Variants in BMPER observed in about 807,000 individuals in gnomAD.
BMPER encodes the protein BMP-binding endothelial regulator protein.
Under a neutral mutation model 87.3 loss-of-function variants are expected in BMPER, and 45 were observed. That is an observed-to-expected ratio of 0.52 (90% CI 0.41 to 0.66). The LOEUF is 0.66. BMPER is among the 30% of genes least tolerant of loss of function. The pLI, the probability that BMPER is intolerant of heterozygous loss-of-function variation, is 0.00. For synonymous variants in BMPER, 326 were observed against 316.2 expected (o/e 1.03, Z -0.33); for missense variants, 784 against 867.5 (o/e 0.90, Z 1.21).
At chr7:34,043,720 A>C (rs1363462068) in intron 6 of BMPER, among the ~76,000 whole-genome samples, 1 of 152,116 alleles carries the variant, frequency 6.6e-6, no homozygotes, top group African/African-American at 2.4e-5. Flanking sequence ...GGCCTTAAAC[A>C]AATGTTTAAT....
At chr7:34,027,779 A>G (rs1787396111) in intron 6 of BMPER, among the ~76,000 whole-genome samples, 1 of 152,090 alleles carries the variant, frequency 6.6e-6, no homozygotes, top group African/African-American at 2.4e-5. Flanking sequence ...GTGAAAATTC[A>G]AATTTTGAAA....
In BMPER at chr7:34,153,093, C is replaced by T. The variant is rs1198563046; in HGVS notation, c.1878C>T (p.Ala626=). The part of the protein sequence containing the change: ...VHWEPQQNCA[A]TQCKHGAVYD... ...CCTTTGTCTCCTTCTCTTTTTCAGC[C>T]ACCCAGTGTAAGCATGGTGCTGTGT... The change falls in exon 15 of 15, where the codon GCC becomes GCT. Residue 626 remains alanine, a splice_region_variant and synonymous_variant. Coordinates refer to ENST00000649409, the MANE Select transcript of BMPER (RefSeq NM_001365308.1). 1 of 1,613,884 alleles carries T rather than the reference C, an allele frequency of 6.2e-7. No individual in the cohort carries two copies.
At position 34,113,266 on chromosome 7, in the gene BMPER, T is replaced by C. The variant is rs565404424; in HGVS notation, c.1745+27174T>C. The stretch of plus-strand genomic sequence containing the variant: ...ATTAGCCTTTTATAGTATGCTGCAA[T>C]ATTTTTCCCTTTGCCATTTGCTTTG... On this transcript the variant is annotated intron_variant, in intron 13 of 14. Coordinates refer to ENST00000649409, the MANE Select transcript of BMPER (RefSeq NM_001365308.1). Among the ~76,000 whole-genome samples, 68 of 152,124 alleles carry C rather than the reference T, an allele frequency of 4.5e-4. 1 individual carries two copies. The highest frequency in any genetic ancestry group is 1.6e-3 in the African/African-American group (65 of 41,570).
Position 33,963,520 on chromosome 7 carries a change from G to A in BMPER, c.320-2959G>A, listed in dbSNP as rs532687603. 7.9e-5 allele frequency among the ~76,000 whole-genome samples: 12 copies of A among 152,256 alleles called. No homozygotes were observed. The East Asian group carries it at 9.6e-4, about 12-fold the overall frequency. ...TAAAAAACAAAAACAAAGGCTGGGC[G>A]CGGTGGCTCATGCCTGTAATCCCAG... is the stretch of plus-strand genomic sequence containing the variant. On this transcript the variant is annotated intron_variant, in intron 3 of 14. Coordinates refer to ENST00000649409, the MANE Select transcript of BMPER (RefSeq NM_001365308.1).
At chr7:34,096,030 T>G (rs1789521602) in intron 13 of BMPER, among the ~76,000 whole-genome samples, 1 of 152,100 alleles carries the variant, frequency 6.6e-6, no homozygotes, top group East Asian at 1.9e-4. Flanking sequence ...ATGACCAAGG[T>G]GTCTCTTTCT....
intron 6 of BMPER, among the ~76,000 whole-genome samples, chr7:33,997,531 T>G (rs1786447242): frequency 6.6e-6 from 1 of 152,204 alleles, no homozygotes; most frequent in African/African-American, 2.4e-5. Flanking sequence ...AGGTGCTTGC[T>G]TCTCCTTCAT....
In BMPER at chr7:33,989,463, G is replaced by T. The variant is rs201920821; in HGVS notation, c.576+14679G>T. ...CCTTCGCCCACTTTTTGATAGGGTTGTTTGTTTTTTCTTGTAAATTTGTTT... is the reference window on the plus strand; with the variant it reads ...CCTTCGCCCACTTTTTGATAGGGTTTTTTGTTTTTTCTTGTAAATTTGTTT... On this transcript the variant is annotated intron_variant, in intron 6 of 14. Transcript: ENST00000649409. 8.5e-3 allele frequency among the ~76,000 whole-genome samples: 1,301 copies of T among 152,218 alleles called. 18 individuals are homozygous for T. Among genetic ancestry groups the T allele is most frequent in the African/African-American group, 0.03 (1,229 of 41,514 alleles).
At chr7:34,128,861 A>G (rs1186266911) in intron 13 of BMPER, among the ~76,000 whole-genome samples, 17 of 152,194 alleles carry the variant, frequency 1.1e-4, no homozygotes, top group Non-Finnish European at 1.5e-4. Context: ...GACATGATGC[A>G]GATGTACGAC....
Position 33,937,391 on chromosome 7 carries a change from G to A in BMPER, c.319+3G>A. The A allele has an allele frequency of 1.2e-6, 2 of 1,613,550 alleles. No homozygotes were observed. The highest frequency in any genetic ancestry group is 2.2e-5 in the South Asian group (2 of 91,076). On this transcript the variant is annotated splice_donor_region_variant and intron_variant, in intron 3 of 14. Coordinates refer to ENST00000649409, the MANE Select transcript of BMPER (RefSeq NM_001365308.1). ...AGCCTGTTGTGAACAGTGCAAAGGT[G>A]ATTGATGTCTTGGCCGTCTTCTCTT...
At chr7:34,036,217 C>A (rs1787661588) in intron 6 of BMPER, among the ~76,000 whole-genome samples, 1 of 152,162 alleles carries the variant, frequency 6.6e-6, no homozygotes, top group African/African-American at 2.4e-5. Context: ...GCTTTGACTA[C>A]TTCCGTGATG....
intron 6 of BMPER, among the ~76,000 whole-genome samples, chr7:33,990,155 A>AG: frequency 2.0e-5 from 3 of 150,826 alleles, no homozygotes; most frequent in African/African-American, 7.3e-5. Context: ...CTGTGAAGAA[A>AG]GTCATTGGTA....
At chr7:33,957,480 C>T (rs942820796) in intron 3 of BMPER, among the ~76,000 whole-genome samples, 11 of 151,568 alleles carry the variant, frequency 7.3e-5, no homozygotes, top group East Asian at 1.9e-4. Context: ...TTGCTATAAA[C>T]GAATAGCCTG....
rs577238378 is a variant in BMPER at position 33,950,721 on chromosome 7, G to A, written c.319+13333G>A. Among the ~76,000 whole-genome samples, 18 of 152,260 alleles carry A rather than the reference G, an allele frequency of 1.2e-4. No individual in the cohort carries two copies. In the South Asian group the frequency reaches 1.7e-3, roughly 14 times the overall value. On this transcript the variant is annotated intron_variant, in intron 3 of 14. Coordinates refer to ENST00000649409, the MANE Select transcript of BMPER (RefSeq NM_001365308.1). ...TTCTGGTCACAGCCTAATCACGGGA[G>A]TGACATCCATCACATTCACAGGTTT...
intron 7 of BMPER, among the ~76,000 whole-genome samples, chr7:34,047,531 C>T (rs1255433600): frequency 2.0e-5 from 3 of 152,122 alleles, no homozygotes; most frequent in Non-Finnish European, 4.4e-5. Context: ...CCCACCTCAG[C>T]CTCCCAAAGT....
rs759416398 is a variant in BMPER, at chr7:34,078,861, C to T, written c.1083C>T (p.Pro361=). The change falls in exon 12 of 15, where the codon CCC becomes CCT. Residue 361 remains proline (P), a synonymous_variant. Coordinates refer to ENST00000649409, the MANE Select transcript of BMPER (RefSeq NM_001365308.1). ...TTGTCTCTCACTCCTCCGCAGAGCCCGGCGTTTGCACGGTGTTTGGAGATC... is the reference window on the plus strand; with the variant it reads ...TTGTCTCTCACTCCTCCGCAGAGCCTGGCGTTTGCACGGTGTTTGGAGATC... ...KGCCPICTEK[P]GVCTVFGDPH... 8 of 1,613,916 alleles carry T rather than the reference C, an allele frequency of 5.0e-6. No homozygotes were observed. In the Admixed American group the frequency reaches 6.7e-5, roughly 13 times the overall value.
chr7:34,135,565 C>CT (rs1010447261), intron 13 of BMPER, among the ~76,000 whole-genome samples: 129 of 152,202 alleles, frequency 8.5e-4, no homozygotes, highest in African/African-American at 3.0e-3. Flanking sequence ...CTGTCAGGGA[C>CT]TTTTTTTGCT....
intron 2 of BMPER, among the ~76,000 whole-genome samples, chr7:33,918,670 A>T (rs972612260): frequency 6.6e-6 from 1 of 152,210 alleles, no homozygotes; most frequent in Non-Finnish European, 1.5e-5. Flanking sequence ...CAAAACAGTT[A>T]AGGTCTTGCC....
At chr7:33,937,972 T>C (rs1450316115) in intron 3 of BMPER, among the ~76,000 whole-genome samples, 1 of 152,132 alleles carries the variant, frequency 6.6e-6, no homozygotes, top group Non-Finnish European at 1.5e-5. Context: ...GTCTCACCTC[T>C]CTCTTGGCCT....
Position 33,937,288 on chromosome 7 carries a change from G to C in BMPER, c.220-1G>C. 1.9e-6 allele frequency: 3 copies of C among 1,613,698 alleles called. No individual in the cohort carries two copies. The highest frequency in any genetic ancestry group is 2.5e-6 in the Non-Finnish European group (3 of 1,179,610). ...AATCTCTCGTGTCTCTTTTTGTCTA[G>C]AACAAGGAAGTGACATGTAAGAGAG... On this transcript the variant is annotated splice_acceptor_variant, in intron 2 of 14. Transcript: ENST00000649409. LOFTEE classifies it high-confidence loss of function.
Sources: gnomAD v4.1 joint callset for allele counts (sites outside exome capture counted in the v4.1 genomes callset) on GRCh38, gnomAD v4.1.1 for gene constraint, MANE v1.5 for transcripts, NCBI Gene and HGNC (gene_info 2026-07-23, HGNC 2026-07-21) for gene names.